The following GRAMD2B variants were observed in gnomAD, a reference collection of about 807,000 sequenced individuals.
GRAMD2B encodes GRAM domain-containing protein 2B.
Under a neutral mutation model 59.2 loss-of-function variants are expected in GRAMD2B, and 41 were observed. The ratio of observed to expected loss-of-function variants is 0.69; its 90% CI spans 0.54 to 0.90. The LOEUF (loss-of-function observed/expected upper bound fraction) is 0.90, where lower values mean the gene tolerates loss of function less well. Among genes scored for constraint, GRAMD2B ranks in the 40% least tolerant of loss-of-function variants. GRAMD2B has a pLI of 0.00. For missense variants in GRAMD2B, 424 were observed against 500.5 expected (o/e 0.85, Z 1.46); for synonymous variants, 161 against 182.7 (o/e 0.88, Z 0.96).
chr5:126,399,092 T>C (rs1489603879), intron 1 of GRAMD2B, among the ~76,000 whole-genome samples: 1 of 152,212 alleles, frequency 6.6e-6, no homozygotes, highest in Admixed American at 6.5e-5. Context: ...GAAAGTTCTA[T>C]GTAAGTCTGT....
chr5:126,482,565 G>C (rs888504050), intron 8 of GRAMD2B, among the ~76,000 whole-genome samples: 2 of 152,146 alleles, frequency 1.3e-5, no homozygotes, highest in African/African-American at 4.8e-5. Context: ...ATGTATGTAA[G>C]GAGCTTTGCA....
intron 1 of GRAMD2B, among the ~76,000 whole-genome samples, chr5:126,459,822 C>T (rs1027801261): frequency 3.3e-5 from 5 of 152,156 alleles, no homozygotes; most frequent in Admixed American, 1.3e-4. Flanking sequence ...AAGATATAGA[C>T]ACTGTTGAAT....
At chr5:126,443,142 G>A (rs1462699989) in intron 1 of GRAMD2B, among the ~76,000 whole-genome samples, 3 of 152,178 alleles carry the variant, frequency 2.0e-5, no homozygotes, top group Admixed American at 2.0e-4. Flanking sequence ...AGTAGTCTTG[G>A]CTTGGTTGAC....
At chr5:126,383,139 A>G (rs1755806246) in intron 1 of GRAMD2B, among the ~76,000 whole-genome samples, 1 of 152,200 alleles carries the variant, frequency 6.6e-6, no homozygotes, top group South Asian at 2.1e-4. Context: ...TTTTAAATGA[A>G]GTTTTAAATT....
chr5:126,449,347 T>C (rs1276806613), intron 1 of GRAMD2B, among the ~76,000 whole-genome samples: 2 of 152,350 alleles, frequency 1.3e-5, no homozygotes, highest in South Asian at 2.1e-4. Context: ...ATTAAAATCA[T>C]GTATATTTTT....
At chr5:126,464,585 C>T (rs1398516251) in intron 1 of GRAMD2B, among the ~76,000 whole-genome samples, 5 of 152,180 alleles carry the variant, frequency 3.3e-5, no homozygotes, top group Non-Finnish European at 5.9e-5. Context: ...TTCCCCTCTA[C>T]TCCCTTCCAC....
intron 1 of GRAMD2B, among the ~76,000 whole-genome samples, chr5:126,426,218 A>C (rs557669153): frequency 6.6e-6 from 1 of 152,302 alleles, no homozygotes; most frequent in Non-Finnish European, 1.5e-5. Flanking sequence ...TGCAGAAGGA[A>C]TAAGGAACTG....
intron 1 of GRAMD2B, among the ~76,000 whole-genome samples, chr5:126,382,852 C>T (rs943524119): frequency 2.6e-5 from 4 of 152,132 alleles, no homozygotes; most frequent in Non-Finnish European, 5.9e-5. Flanking sequence ...GGCTCAAGGG[C>T]TGCTGTTCAG....
At chr5:126,469,506 A>T (rs1233544529) in intron 2 of GRAMD2B, among the ~76,000 whole-genome samples, 171 bp from the exon 3 acceptor site, 1 of 152,142 alleles carries the variant, frequency 6.6e-6, no homozygotes, top group East Asian at 1.9e-4. Context: ...ATGGTGGCAC[A>T]CACCTGTAGT....
Position 126,493,165 on chromosome 5 carries a change from G to A in GRAMD2B, c.*209G>A, listed in dbSNP as rs1774236233. On this transcript the variant is annotated 3_prime_UTR_variant, in exon 14 of 14. Coordinates refer to ENST00000285689, the MANE Select transcript of GRAMD2B (RefSeq NM_023927.4). ...ATAAAAGTTGACCTTGACTCTCTGA[G>A]GAAGATTTTGCTGCTTTTGCCTGAA... is the stretch of plus-strand genomic sequence containing the variant. 1 of 552,532 alleles carries A rather than the reference G, an allele frequency of 1.8e-6. No individual in the cohort carries two copies. Among genetic ancestry groups the A allele is most frequent in the East Asian group, 3.0e-5 (1 of 33,334 alleles). 34.2% of individuals were successfully genotyped at this position (552,532 alleles called of 1,614,324 possible).
chr5:126,413,247 T>C (rs1201877573), intron 1 of GRAMD2B, among the ~76,000 whole-genome samples: 2 of 152,166 alleles, frequency 1.3e-5, no homozygotes, highest in African/African-American at 2.4e-5. Context: ...TTTAGCACTA[T>C]AAACTTTCCT....
chr5:126,409,771 T>C (rs896840639), intron 1 of GRAMD2B, among the ~76,000 whole-genome samples: 1 of 152,194 alleles, frequency 6.6e-6, no homozygotes, highest in Non-Finnish European at 1.5e-5. Flanking sequence ...CCCATGCCTA[T>C]GTCCTGAATG....
chr5:126,386,092 T>C (rs1396945311), intron 1 of GRAMD2B, among the ~76,000 whole-genome samples: 2 of 152,200 alleles, frequency 1.3e-5, no homozygotes, highest in African/African-American at 2.4e-5. Flanking sequence ...AATAAAACTC[T>C]CCAGGATTAA....
intron 12 of GRAMD2B, 108 bp from the exon 13 acceptor site, chr5:126,488,691 C>A: frequency 2.9e-6 from 2 of 688,726 alleles, no homozygotes; most frequent in Non-Finnish European, 5.0e-6. Context: ...AATGTTCATT[C>A]TCTTCTATTA....
intron 1 of GRAMD2B, among the ~76,000 whole-genome samples, chr5:126,461,629 G>A (rs5021021): frequency 0.31 from 46,615 of 151,782 alleles, 7,552 homozygotes; most frequent in East Asian, 0.59. Context: ...GCGAAACCCC[G>A]TCTCTACTAA....
At chr5:126,380,746 A>AT (rs1221068060) in intron 1 of GRAMD2B, among the ~76,000 whole-genome samples, 2 of 152,182 alleles carry the variant, frequency 1.3e-5, no homozygotes, top group African/African-American at 4.8e-5. Context: ...GTGTACATTA[A>AT]TTTTGTATCC....
At chr5:126,461,426 C>T (rs906102868) in intron 1 of GRAMD2B, among the ~76,000 whole-genome samples, 1 of 152,146 alleles carries the variant, frequency 6.6e-6, no homozygotes, top group South Asian at 2.1e-4. Flanking sequence ...ATTGTACAAC[C>T]TGTTTTTGTA....
intron 1 of GRAMD2B, among the ~76,000 whole-genome samples, chr5:126,374,823 ACT>A (rs2149695822): frequency 6.6e-6 from 1 of 152,312 alleles, no homozygotes; most frequent in South Asian, 2.1e-4. Context: ...GTCATATATC[ACT>A]GTCTTAATTA....
intron 1 of GRAMD2B, among the ~76,000 whole-genome samples, chr5:126,364,255 C>T (rs557523656): frequency 8.5e-5 from 13 of 152,204 alleles, no homozygotes; most frequent in African/African-American, 3.1e-4. Context: ...AGTAAGAATA[C>T]AAACAGAAAG....
Sources: gnomAD v4.1 joint callset for allele counts (sites outside exome capture counted in the v4.1 genomes callset) on GRCh38, gnomAD v4.1.1 for gene constraint, MANE v1.5 for transcripts, NCBI Gene and HGNC (gene_info 2026-07-23, HGNC 2026-07-21) for gene names.